The following CAPN12 variants were observed in gnomAD, a reference collection of about 807,000 sequenced individuals.
CAPN12 encodes the protein calpain 12, also known as calpain-12.
In CAPN12, 107 loss-of-function variants were observed where a neutral mutation model predicts 95.0. That is an observed-to-expected ratio of 1.13 (90% CI 0.96 to 1.32). The LOEUF (loss-of-function observed/expected upper bound fraction) is 1.32, where lower values mean the gene tolerates loss of function less well. Among genes scored for constraint, CAPN12 ranks in the 40% most tolerant of loss-of-function variants. The probability of loss-of-function intolerance (pLI) is 0.00; values close to 1 mark genes in which losing one functional copy is unlikely to be tolerated. For missense variants in CAPN12, 1,136 were observed against 997.8 expected, an observed-to-expected ratio of 1.14 and a Z score of -1.87; for synonymous variants, 505 against 415.5, an observed-to-expected ratio of 1.22 and a Z score of -2.62.
intron 18 of CAPN12, 59 bp downstream of exon 18, chr19:38,733,644 C>A: frequency 6.8e-7 from 1 of 1,465,682 alleles, no homozygotes; most frequent in Middle Eastern, 1.8e-4. Context: ...GACTTGGAGA[C>A]AATGGGATGG....
In CAPN12 at chr19:38,740,565, C is replaced by A. The variant is rs377159633; in HGVS notation, c.561-346G>T. Among the ~76,000 whole-genome samples the A allele has an allele frequency of 1.3e-3, 194 of 152,148 alleles. 4 individuals are homozygous for A. In the South Asian group the frequency reaches 0.027, roughly 21 times the overall value. On this transcript the variant is annotated intron_variant, in intron 4 of 20. Coordinates refer to ENST00000328867, the MANE Select transcript of CAPN12 (RefSeq NM_144691.4). Reference sequence around the variant, plus strand: ...CTGTAATCCCAGCGCTTTGGGAAGCCGAGGCAAGTGGATCACCTGAGGTCA... The same window carrying A: ...CTGTAATCCCAGCGCTTTGGGAAGCAGAGGCAAGTGGATCACCTGAGGTCA...
rs1336111886 is a variant in CAPN12, at chr19:38,730,300, A to ATTCTC, written c.*547_*551dup. ...TGCTCTCATAATGAAGACATAGCCG[A>ATTCTC]TTCTCTGCCCGGGCCCCTTGCTGAT... is the stretch of plus-strand genomic sequence containing the variant. On this transcript the variant is annotated 3_prime_UTR_variant, in exon 21 of 21. Transcript: ENST00000328867. 1 of 162,870 alleles carries ATTCTC rather than the reference A, an allele frequency of 6.1e-6. No homozygotes were observed. The highest frequency in any genetic ancestry group is 1.4e-5 in the Non-Finnish European group (1 of 74,058). The allele number at this position is 162,870 out of a possible 1,614,324, so 10.1% of individuals were successfully genotyped here.
In CAPN12 at chr19:38,737,695, C is replaced by G. The variant is rs1970302427; in HGVS notation, c.966-57G>C. The G allele has an allele frequency of 8.8e-6, 13 of 1,469,756 alleles. No individual in the cohort carries two copies. The South Asian group carries it at 1.7e-4, about 19-fold the overall frequency. 91.0% of individuals were successfully genotyped at this position (1,469,756 alleles called of 1,614,324 possible). A position where few individuals can be genotyped will look rare whatever the true frequency, so the allele number is the denominator to read the frequency against. On this transcript the variant is annotated intron_variant, in intron 8 of 20. Transcript: ENST00000328867. ...CCCCACCTCGAGGGGGTCCCAAGATCCCGGAAATGACTCCCAGATCCCAAA... is the reference window on the plus strand; with the variant it reads ...CCCCACCTCGAGGGGGTCCCAAGATGCCGGAAATGACTCCCAGATCCCAAA...
Position 38,734,408 on chromosome 19 carries a change from C to G in CAPN12, c.1745-19G>C. 1 of 1,564,280 alleles carries G rather than the reference C, an allele frequency of 6.4e-7. No individual in the cohort carries two copies. ...GCCCTGGCTACAGGAAAAACAAAGTCAAACCACAGCACTTCCTGCATTCTG... is the reference window on the plus strand; with the variant it reads ...GCCCTGGCTACAGGAAAAACAAAGTGAAACCACAGCACTTCCTGCATTCTG... On this transcript the variant is annotated intron_variant, in intron 15 of 20. Transcript: ENST00000328867.
At chr19:38,742,572 G>C in intron 2 of CAPN12, 44 bp from the exon 3 acceptor site, 419 of 1,346,876 alleles carry the variant, frequency 3.1e-4, no homozygotes, top group Non-Finnish European at 3.9e-4. Context: ...AAGGAGGGAG[G>C]CCTGGTGCGG....
upstream of CAPN12, chr19:38,744,511 C>A: frequency 2.7e-6 from 1 of 375,406 alleles, no homozygotes. Context: ...GCCTGTGGGG[C>A]TGGGGAAGGA....
At position 38,737,491 on chromosome 19, in the gene CAPN12, C is replaced by G; in HGVS notation, c.1113G>C (p.Gly371=). 6.2e-7 allele frequency: 1 copy of G among 1,612,732 alleles called. No individual in the cohort carries two copies. The highest frequency in any genetic ancestry group is 8.5e-7 in the Non-Finnish European group (1 of 1,179,904). ...GRWVRGFNSG[G]SQPNAETFWT... is the part of the protein sequence containing the mutation. ...AGGCCTCACCAGCATTAGGCTGGCTCCCGCCGGAGTTGAAGCCACGCACCC... is the reference window on the plus strand; with the variant it reads ...AGGCCTCACCAGCATTAGGCTGGCTGCCGCCGGAGTTGAAGCCACGCACCC... Residue 371 remains glycine (G), a synonymous_variant, in exon 9 of 21, where the codon GGG becomes GGC. Coordinates refer to ENST00000328867, the MANE Select transcript of CAPN12 (RefSeq NM_144691.4).
At chr19:38,739,596 G>A (rs76878864) in intron 5 of CAPN12, 509 of 153,886 alleles carry the variant, frequency 3.3e-3, no homozygotes, top group Non-Finnish European at 5.6e-3. Flanking sequence ...GAAGGAGTTA[G>A]ACCAACTCAG....
chr19:38,739,903 G>A (rs904226416), intron 5 of CAPN12, 148 bp downstream of exon 5: 1 of 793,600 alleles, frequency 1.3e-6, no homozygotes, highest in Non-Finnish European at 1.8e-6. Flanking sequence ...GAGAGCAAAT[G>A]AATTTATTTT....
intron 8 of CAPN12, among the ~76,000 whole-genome samples, 196 bp downstream of exon 8, chr19:38,738,077 C>T (rs1024244230): frequency 3.3e-5 from 5 of 152,114 alleles, no homozygotes; most frequent in Admixed American, 2.0e-4. Flanking sequence ...CTTTTTTAAA[C>T]CCACTCCAAT....
chr19:38,735,309 AG>A (rs1025321375), intron 14 of CAPN12, 60 bp downstream of exon 14: 26 of 1,475,358 alleles, frequency 1.8e-5, no homozygotes, highest in Non-Finnish European at 2.4e-5. Flanking sequence ...GGGTGGGGGA[AG>A]GGGGGTCCCC....
At position 38,734,786 on chromosome 19, in the gene CAPN12, C is replaced by T. The variant is rs199849866; in HGVS notation, c.1744+27G>A. On this transcript the variant is annotated intron_variant, in intron 15 of 20. Transcript: ENST00000328867. ...GCAGGACCCCTGGCTAAGACCCCTCCTCCTGCCCCTATCCCAGCCAACTCA... is the reference window on the plus strand; with the variant it reads ...GCAGGACCCCTGGCTAAGACCCCTCTTCCTGCCCCTATCCCAGCCAACTCA... The T allele has an allele frequency of 2.5e-6, 4 of 1,608,570 alleles. No homozygotes were observed. The South Asian group carries it at 4.4e-5, about 18-fold the overall frequency.
chr19:38,731,972 T>C (rs1386298926), intron 18 of CAPN12, among the ~76,000 whole-genome samples: 1 of 152,264 alleles, frequency 6.6e-6, no homozygotes, highest in Non-Finnish European at 1.5e-5. Context: ...GGCATTCATC[T>C]GCCCTCGGGC....
intron 14 of CAPN12, chr19:38,735,153 G>A: frequency 1.7e-6 from 1 of 604,676 alleles, no homozygotes; most frequent in Admixed American, 3.0e-5. Context: ...GGAGGTGTCA[G>A]GAGGGAGAGG....
intron 15 of CAPN12, 97 bp downstream of exon 15, chr19:38,734,716 G>A: frequency 8.7e-7 from 1 of 1,144,554 alleles, no homozygotes; most frequent in East Asian, 2.5e-5. Flanking sequence ...CCAACTCCCA[G>A]CAGCGCGGTG....
rs1191603411 is a variant in CAPN12 at position 38,743,815 on chromosome 19, C to T, written c.237+114G>A. ...TAAGAGTCCAGGTCTCGAGCCCCTC[C>T]TCCCTCAGACCAGGGAGTCCAGGCC... On this transcript the variant is annotated intron_variant, in intron 1 of 20. Coordinates refer to ENST00000328867, the MANE Select transcript of CAPN12 (RefSeq NM_144691.4). 4.0e-6 allele frequency: 4 copies of T among 1,003,906 alleles called. No homozygotes were observed. In the South Asian group the frequency reaches 4.6e-5, roughly 12 times the overall value. 62.2% of individuals were successfully genotyped at this position (1,003,906 alleles called of 1,614,324 possible).
rs765718391 is a variant in CAPN12 at position 38,740,088 on chromosome 19, G to A, written c.692C>T (p.Ala231Val). ...SMGLFSALRH[A>V]LAKESLVGAT... is the part of the protein sequence containing the mutation. Reference sequence around the variant, plus strand: ...GCCCACGAGGGACTCCTTGGCCAGGGCATGGCGCAGGGCAGAGAACAGCCC... The same window carrying A: ...GCCCACGAGGGACTCCTTGGCCAGGACATGGCGCAGGGCAGAGAACAGCCC... The change falls in exon 5 of 21, where the codon GCC becomes GTC. Residue 231 changes from alanine to valine, a missense_variant. Physicochemically the swap from Ala to Val is moderately conservative, Grantham distance 64 (BLOSUM62 0). Transcript: ENST00000328867. 1 of 1,609,130 alleles carries A rather than the reference G, an allele frequency of 6.2e-7. No homozygotes were observed.
At chr19:38,733,673 C>T (rs1969798108) in intron 18 of CAPN12, 30 bp downstream of exon 18, 1 of 1,593,892 alleles carries the variant, frequency 6.3e-7, no homozygotes, top group Non-Finnish European at 8.6e-7. Flanking sequence ...AGGTCCTGTC[C>T]CCACGACCAC....
chr19:38,736,196 G>C lies in CAPN12; in HGVS notation c.1497C>G (p.His499Gln). The C allele has an allele frequency of 6.6e-7, 1 of 1,513,000 alleles. No homozygotes were observed. The highest frequency in any genetic ancestry group is 8.8e-7 in the Non-Finnish European group (1 of 1,135,148). The allele number at this position is 1,513,000 out of a possible 1,614,324, so 93.7% of individuals were successfully genotyped here. A position where few individuals can be genotyped will look rare whatever the true frequency, so the allele number is the denominator to read the frequency against. ...GGGCGGTGCTCGGCACCACCAGGTA[G>C]TGGCCTGGACGCAGGCAGCAGCGGC... ...VTRRCCLRPG[H>Q]YLVVPSTAHA... is the part of the protein sequence containing the mutation. Residue 499 changes from histidine to glutamine, a missense_variant, in exon 12 of 21, where the codon CAC (histidine) becomes CAG (glutamine). Physicochemically the swap from His to Gln is conservative, Grantham distance 24. Coordinates refer to ENST00000328867, the MANE Select transcript of CAPN12 (RefSeq NM_144691.4).
Sources: gnomAD v4.1 joint callset for allele counts (sites outside exome capture counted in the v4.1 genomes callset) on GRCh38, gnomAD v4.1.1 for gene constraint, MANE v1.5 for transcripts, NCBI Gene and HGNC (gene_info 2026-07-23, HGNC 2026-07-21) for gene names.